Variants in IMMP2L observed in about 807,000 individuals in gnomAD.
The protein encoded by IMMP2L is inner mitochondrial membrane peptidase subunit 2.
A neutral mutation model predicts 19.3 loss-of-function variants in IMMP2L; 18 were observed. That is an observed-to-expected ratio of 0.93 (90% confidence interval 0.64 to 1.38). IMMP2L has a LOEUF of 1.38. IMMP2L is among the 40% of genes most tolerant of loss of function. IMMP2L has a pLI of 0.00. For missense variants in IMMP2L, 233 were observed against 218.2 expected (o/e 1.07, Z -0.43); for synonymous variants, 76 against 73.0 (o/e 1.04, Z -0.21).
rs1809163305 is a variant in IMMP2L at position 111,193,769 on chromosome 7, T to C, written c.240-230204A>G. On this transcript the variant is annotated intron_variant, in intron 3 of 5. Coordinates refer to ENST00000405709, the MANE Select transcript of IMMP2L (RefSeq NM_032549.4). Reference sequence around the variant, plus strand: ...ATATACCTAATTAAGATATTTTAGCTGGGTTAGCTAATAGTATTTTTAGCG... The same window carrying C: ...ATATACCTAATTAAGATATTTTAGCCGGGTTAGCTAATAGTATTTTTAGCG... Among the ~76,000 whole-genome samples, 5 of 152,186 alleles carry C rather than the reference T, an allele frequency of 3.3e-5. No homozygotes were observed. The South Asian group carries it at 1.0e-3, about 32-fold the overall frequency.
At chr7:111,292,256 C>G (rs1821194295) in intron 3 of IMMP2L, among the ~76,000 whole-genome samples, 1 of 152,116 alleles carries the variant, frequency 6.6e-6, no homozygotes. Context: ...TAGCAGATTT[C>G]TCAAACCTTT....
chr7:111,556,018 G>GTGTGTGTATATATATA (rs777862357), intron 1 of IMMP2L, among the ~76,000 whole-genome samples: 19 of 91,364 alleles, frequency 2.1e-4, no homozygotes, highest in African/African-American at 4.7e-4. Flanking sequence ...CTGTGTGCAT[G>GTGTGTGTATATATATA]TATATATATA....
At chr7:111,044,856 T>G (rs1327239459) in intron 3 of IMMP2L, among the ~76,000 whole-genome samples, 1 of 152,198 alleles carries the variant, frequency 6.6e-6, no homozygotes, top group African/African-American at 2.4e-5. Context: ...CAGTGGGTAG[T>G]TGACAACTCT....
chr7:110,746,238 G>A (rs962336874), intron 5 of IMMP2L, among the ~76,000 whole-genome samples: 25 of 152,126 alleles, frequency 1.6e-4, no homozygotes, highest in African/African-American at 5.8e-4. Context: ...CAATACAGGA[G>A]CACCCAGATT....
intron 3 of IMMP2L, among the ~76,000 whole-genome samples, chr7:111,380,663 T>C (rs1831112350): frequency 6.6e-6 from 1 of 152,032 alleles, no homozygotes; most frequent in Admixed American, 6.6e-5. Context: ...CAATTTAGCT[T>C]GTCCAGCTAT....
intron 5 of IMMP2L, among the ~76,000 whole-genome samples, chr7:110,768,977 G>A (rs1798856647): frequency 6.6e-6 from 1 of 152,150 alleles, no homozygotes; most frequent in African/African-American, 2.4e-5. Context: ...ATGGAAACAT[G>A]CACAGAATTA....
chr7:110,783,592 C>T (rs187446089), intron 5 of IMMP2L, among the ~76,000 whole-genome samples: 1 of 149,684 alleles, frequency 6.7e-6, no homozygotes, highest in South Asian at 2.1e-4. Context: ...GACAGTCTTA[C>T]TCAATGGAAG....
chr7:111,060,435 C>T (rs764816997), intron 3 of IMMP2L, among the ~76,000 whole-genome samples: 2 of 152,088 alleles, frequency 1.3e-5, no homozygotes, highest in Non-Finnish European at 2.9e-5. Context: ...CACTTTTCTC[C>T]CTTAGCAATG....
intron 5 of IMMP2L, among the ~76,000 whole-genome samples, chr7:110,856,823 A>G (rs1806831517): frequency 6.6e-6 from 1 of 152,074 alleles, no homozygotes; most frequent in African/African-American, 2.4e-5. Flanking sequence ...CTAAATGCTG[A>G]TGAGATGGCT....
intron 3 of IMMP2L, among the ~76,000 whole-genome samples, chr7:111,379,921 T>C (rs1831036499): frequency 6.6e-6 from 1 of 151,910 alleles, no homozygotes; most frequent in Admixed American, 6.6e-5. Context: ...ATAAAATCCA[T>C]GTATACATTG....
intron 3 of IMMP2L, among the ~76,000 whole-genome samples, chr7:110,973,637 A>G (rs1820390412): frequency 6.6e-6 from 1 of 152,114 alleles, no homozygotes; most frequent in Non-Finnish European, 1.5e-5. Context: ...CCAAATAATT[A>G]GGTACCCATT....
chr7:111,539,194 G>GGAAGGAAGGAAGGAA lies in IMMP2L; in HGVS notation c.-2-17746_-2-17745insTTCCTTCCTTCCTTC, dbSNP rs1563330607. 1.2e-3 allele frequency among the ~76,000 whole-genome samples: 71 copies of GGAAGGAAGGAAGGAA among 60,916 alleles called. 9 individuals are homozygous for GGAAGGAAGGAAGGAA. The highest frequency in any genetic ancestry group is 1.8e-3 in the African/African-American group (25 of 13,800). The allele number at this position is 60,916 out of a possible 152,430, so 40.0% of individuals were successfully genotyped here. A position where few individuals can be genotyped will look rare whatever the true frequency, so the allele number is the denominator to read the frequency against. Reference sequence around the variant, plus strand: ...AAGGAAGGAAGGAAGGAAGGAAGGAGGGAGAAAGAAAGAAAGAAAGAAAGA... The same window carrying GGAAGGAAGGAAGGAA: ...AAGGAAGGAAGGAAGGAAGGAAGGAGGAAGGAAGGAAGGAAGGAGAAAGAAAGAAAGAAAGAAAGA... On this transcript the variant is annotated intron_variant, in intron 1 of 5. Transcript: ENST00000405709.
Position 111,481,827 on chromosome 7 carries a change from C to G in IMMP2L, c.239+5411G>C, listed in dbSNP as rs377493048. 2.6e-5 allele frequency among the ~76,000 whole-genome samples: 4 copies of G among 152,220 alleles called. No homozygotes were observed. The East Asian group carries it at 7.7e-4, about 29-fold the overall frequency. On this transcript the variant is annotated intron_variant, in intron 3 of 5. Coordinates refer to ENST00000405709, the MANE Select transcript of IMMP2L (RefSeq NM_032549.4). ...AGTGTACAATGGGAAAAGATTTAGA[C>G]GTAGTGTTATCAAATAGAAATAAAA...
At chr7:111,250,540 T>C (rs1815982768) in intron 3 of IMMP2L, among the ~76,000 whole-genome samples, 1 of 152,122 alleles carries the variant, frequency 6.6e-6, no homozygotes, top group South Asian at 2.1e-4. Flanking sequence ...GGCATGATAC[T>C]GGTACAAAAA....
At chr7:111,187,753 G>A (rs1157462135) in intron 3 of IMMP2L, among the ~76,000 whole-genome samples, 2 of 152,062 alleles carry the variant, frequency 1.3e-5, no homozygotes, top group Non-Finnish European at 2.9e-5. Context: ...TAGACAAAGT[G>A]CACACAGGTT....
intron 3 of IMMP2L, among the ~76,000 whole-genome samples, chr7:111,036,148 A>G (rs566414423): frequency 1.1e-4 from 17 of 152,340 alleles, no homozygotes; most frequent in Non-Finnish European, 2.1e-4. Context: ...GTAAAAACTT[A>G]GAACTAACAT....
At chr7:111,032,070 C>T (rs954144065) in intron 3 of IMMP2L, among the ~76,000 whole-genome samples, 2 of 151,690 alleles carry the variant, frequency 1.3e-5, no homozygotes, top group African/African-American at 4.8e-5. Flanking sequence ...ACCCAAGTAG[C>T]TGGAACGACA....
intron 3 of IMMP2L, among the ~76,000 whole-genome samples, chr7:111,279,972 C>A (rs1819518277): frequency 6.6e-6 from 1 of 152,094 alleles, no homozygotes; most frequent in Admixed American, 6.6e-5. Context: ...TCTTAGTAGT[C>A]TCCTACTTCT....
chr7:110,932,904 G>A (rs1050333529), intron 4 of IMMP2L, among the ~76,000 whole-genome samples: 8 of 152,178 alleles, frequency 5.3e-5, no homozygotes, highest in African/African-American at 1.9e-4. Flanking sequence ...CATGATATAT[G>A]ACCATACATG....
Sources: allele counts gnomAD v4.1 joint callset (sites outside exome capture counted in the v4.1 genomes callset), GRCh38; gene constraint gnomAD v4.1.1; transcripts MANE v1.5; gene names NCBI Gene and HGNC (gene_info 2026-07-23, HGNC 2026-07-21).